TRIM36: variants seen among roughly 807,000 people sequenced by gnomAD.
TRIM36 encodes the protein E3 ubiquitin-protein ligase TRIM36.
A neutral mutation model predicts 72.4 loss-of-function variants in TRIM36; 42 were observed. The ratio of observed to expected loss-of-function variants is 0.58; its 90% CI spans 0.45 to 0.75. The LOEUF is 0.75. Among genes scored for constraint, TRIM36 ranks in the 30% least tolerant of loss-of-function variants. The pLI is 0.00. For missense variants in TRIM36, 913 were observed against 857.1 expected, an observed-to-expected ratio of 1.07 and a Z score of -0.81; for synonymous variants, 315 against 282.8, an observed-to-expected ratio of 1.11 and a Z score of -1.14.
chr5:115,164,458 T>C (rs1423193127), intron 1 of TRIM36, among the ~76,000 whole-genome samples: 1 of 151,680 alleles, frequency 6.6e-6, no homozygotes, highest in African/African-American at 2.4e-5. Flanking sequence ...GGCTAGGGAG[T>C]CCTCAAGAAA....
intron 3 of TRIM36, among the ~76,000 whole-genome samples, chr5:115,146,538 T>G (rs1753603054): frequency 6.6e-6 from 1 of 152,166 alleles, no homozygotes; most frequent in African/African-American, 2.4e-5. Flanking sequence ...TTACTCAGAA[T>G]GTTAAAGAAA....
intron 2 of TRIM36, among the ~76,000 whole-genome samples, chr5:115,159,022 G>A (rs1190805700): frequency 6.6e-6 from 1 of 152,178 alleles, no homozygotes; most frequent in Non-Finnish European, 1.5e-5. Context: ...TATTTTTAAA[G>A]GTCAACTGGA....
chr5:115,148,386 T>A, intron 2 of TRIM36: 1 of 971,664 alleles, frequency 1.0e-6, no homozygotes, highest in South Asian at 4.8e-5. Context: ...GGTGCATGCA[T>A]ATCACATTCC....
upstream of TRIM36, chr5:115,180,282 G>T: frequency 2.4e-6 from 1 of 410,518 alleles, no homozygotes; most frequent in South Asian, 4.3e-5. Flanking sequence ...GGGGCTGCGC[G>T]ATCTAACGGA....
chr5:115,155,828 A>G (rs1754150624), intron 2 of TRIM36, among the ~76,000 whole-genome samples: 1 of 152,010 alleles, frequency 6.6e-6, no homozygotes, highest in Non-Finnish European at 1.5e-5. Flanking sequence ...AATCAGACAT[A>G]AATGGCAACC....
chr5:115,145,433 T>C (rs1037198487), intron 3 of TRIM36, among the ~76,000 whole-genome samples: 6 of 152,350 alleles, frequency 3.9e-5, no homozygotes, highest in African/African-American at 1.4e-4. Context: ...TTTAAGTTAG[T>C]ATGTTAATAA....
chr5:115,128,088 T>TTG (rs984993092), intron 9 of TRIM36, among the ~76,000 whole-genome samples: 1 of 76,582 alleles, frequency 1.3e-5, no homozygotes, highest in African/African-American at 4.2e-5. Context: ...ATAAAAAAAA[T>TTG]TGGGGGGGGC....
chr5:115,160,303 TA>T (rs1317586370), intron 2 of TRIM36, among the ~76,000 whole-genome samples: 4 of 152,268 alleles, frequency 2.6e-5, no homozygotes, highest in Non-Finnish European at 5.9e-5. Context: ...GTAGCCATAT[TA>T]AAAAAATTGA....
upstream of TRIM36, among the ~76,000 whole-genome samples, chr5:115,172,446 C>T (rs552350534): frequency 6.6e-6 from 1 of 152,126 alleles, no homozygotes; most frequent in Non-Finnish European, 1.5e-5. Context: ...GAAAGGATTT[C>T]TAAAATATAA....
In TRIM36 at chr5:115,125,918, CT is replaced by C. The variant is rs1274326459; in HGVS notation, c.*584del. ...TTAACAAAACAAAACAGTAGTATTC[CT>C]TTTCCAGGCAATATATTTTTAATAG... On this transcript the variant is annotated 3_prime_UTR_variant, in exon 10 of 10. Coordinates refer to ENST00000513154, the MANE Select transcript of TRIM36 (RefSeq NM_001300759.2). The C allele has an allele frequency of 6.6e-6, 1 of 152,078 alleles. No individual in the cohort carries two copies. Among genetic ancestry groups the C allele is most frequent in the Non-Finnish European group, 1.5e-5 (1 of 68,024 alleles). 9.4% of individuals were successfully genotyped at this position (152,078 alleles called of 1,614,324 possible). A position where few individuals can be genotyped will look rare whatever the true frequency, so the allele number is the denominator to read the frequency against.
chr5:115,154,711 A>G (rs1365813810), intron 2 of TRIM36, among the ~76,000 whole-genome samples: 2 of 152,234 alleles, frequency 1.3e-5, no homozygotes, highest in African/African-American at 2.4e-5. Flanking sequence ...ATCAACAAAA[A>G]AAGTCCAGGA....
intron 2 of TRIM36, among the ~76,000 whole-genome samples, chr5:115,161,167 T>G (rs891541366): frequency 2.6e-5 from 4 of 151,858 alleles, no homozygotes; most frequent in Admixed American, 2.0e-4. Flanking sequence ...TTATAAAGCT[T>G]TGCACAATGC....
chr5:115,143,637 G>A (rs1479635359), intron 4 of TRIM36, among the ~76,000 whole-genome samples: 1 of 149,350 alleles, frequency 6.7e-6, no homozygotes, highest in Non-Finnish European at 1.5e-5. Context: ...AAACACAAAA[G>A]TTTGCATATA....
At chr5:115,131,238 A>G (rs112582003) in intron 8 of TRIM36, among the ~76,000 whole-genome samples, 6 of 152,188 alleles carry the variant, frequency 3.9e-5, no homozygotes, top group Admixed American at 3.9e-4. Context: ...AAAAATAATA[A>G]AGAGTTGTAA....
chr5:115,128,090 G>GGC (rs750862311), intron 9 of TRIM36, among the ~76,000 whole-genome samples: 14 of 30,848 alleles, frequency 4.5e-4, no homozygotes, highest in African/African-American at 6.4e-4. Flanking sequence ...AAAAAAAATT[G>GGC]GGGGGGGCCA....
chr5:115,154,833 G>T (rs1454466203), intron 2 of TRIM36, among the ~76,000 whole-genome samples: 1 of 152,056 alleles, frequency 6.6e-6, no homozygotes, highest in Non-Finnish European at 1.5e-5. Flanking sequence ...AACTCATTCT[G>T]TGAAGCCAGT....
chr5:115,178,936 C>CG (rs1471597397), intron 1 of TRIM36, among the ~76,000 whole-genome samples: 2 of 152,132 alleles, frequency 1.3e-5, no homozygotes, highest in East Asian at 3.9e-4. Context: ...GCTATATCTG[C>CG]GGCGTTGGAG....
chr5:115,159,616 A>C (rs1472482782), intron 2 of TRIM36: 1 of 453,342 alleles, frequency 2.2e-6, no homozygotes, highest in South Asian at 1.6e-5. Flanking sequence ...GCCTGCGGCC[A>C]CAAAAGCAAT....
In TRIM36 at chr5:115,137,037, T is replaced by G. The variant is rs1752999522; in HGVS notation, c.1173A>C (p.Gln391His). 6.2e-7 allele frequency: 1 copy of G among 1,605,780 alleles called. No individual in the cohort carries two copies. The highest frequency in any genetic ancestry group is 8.5e-7 in the Non-Finnish European group (1 of 1,176,810). The change falls in exon 7 of 10, where the codon CAA becomes CAC. Residue 391 changes from glutamine (Q) to histidine (H), a missense_variant. Coordinates refer to ENST00000513154, the MANE Select transcript of TRIM36 (RefSeq NM_001300759.2). The stretch of plus-strand genomic sequence containing the variant: ...AGGATAATTCTCCAAGAAGTTCTGT[T>G]TGTTTAGAGGTATTAACAACATAGT... ...FEDYVVNTSK[Q>H]TELLGELSFF...
Sources: allele counts gnomAD v4.1 joint callset (sites outside exome capture counted in the v4.1 genomes callset), GRCh38; gene constraint gnomAD v4.1.1; transcripts MANE v1.5; gene names NCBI Gene and HGNC (gene_info 2026-07-23, HGNC 2026-07-21).